Variants in PRKN observed in about 807,000 individuals in gnomAD.
PRKN encodes E3 ubiquitin-protein ligase parkin.
A neutral mutation model predicts 59.5 loss-of-function variants in PRKN; 56 were observed. The observed-to-expected ratio is 0.94, with a 90% CI of 0.76 to 1.18. PRKN has a LOEUF of 1.18. Among genes scored for constraint, PRKN ranks in the 50% most tolerant of loss-of-function variants. PRKN has a pLI of 0.00. For missense variants in PRKN, 657 were observed against 596.4 expected, an observed-to-expected ratio of 1.10 and a Z score of -1.06; for synonymous variants, 250 against 222.1, an observed-to-expected ratio of 1.13 and a Z score of -1.12.
In PRKN at chr6:162,070,084, T is replaced by C. The variant is rs376059814; in HGVS notation, c.535-15910A>G. On this transcript the variant is annotated intron_variant, in intron 4 of 11. Coordinates refer to ENST00000366898, the MANE Select transcript of PRKN (RefSeq NM_004562.3). ...CAGTGAAAATCTGTTAATGCTGTGT[T>C]CTATAGAGCTCTGAGCCACACATGG... 8.5e-5 allele frequency among the ~76,000 whole-genome samples: 13 copies of C among 152,322 alleles called. No homozygotes were observed. The East Asian group carries it at 1.2e-3, about 14-fold the overall frequency.
chr6:162,360,403 A>G (rs1159600374), intron 2 of PRKN, among the ~76,000 whole-genome samples: 1 of 152,196 alleles, frequency 6.6e-6, no homozygotes, highest in Non-Finnish European at 1.5e-5. Context: ...TCCTTTTAAA[A>G]TAAGTGCTAA....
chr6:162,412,095 T>C (rs1186501475), intron 2 of PRKN, among the ~76,000 whole-genome samples: 1 of 152,114 alleles, frequency 6.6e-6, no homozygotes, highest in African/African-American at 2.4e-5. Context: ...CTTAATTTAC[T>C]TAAAAACAGA....
intron 1 of PRKN, among the ~76,000 whole-genome samples, chr6:162,626,490 ATACTT>A (rs1265265430): frequency 2.0e-5 from 3 of 152,150 alleles, no homozygotes; most frequent in African/African-American, 7.2e-5. Flanking sequence ...AAGAAACAGA[ATACTT>A]TATAATATTT....
At chr6:161,739,858 G>A (rs770468702) in intron 7 of PRKN, among the ~76,000 whole-genome samples, 1 of 151,998 alleles carries the variant, frequency 6.6e-6, no homozygotes, top group Non-Finnish European at 1.5e-5. Context: ...GGGTTCAAGC[G>A]ATTTTCCTAC....
chr6:162,423,725 A>G (rs988088548), intron 2 of PRKN, among the ~76,000 whole-genome samples: 1 of 152,162 alleles, frequency 6.6e-6, no homozygotes, highest in African/African-American at 2.4e-5. Context: ...AAGACGTTAA[A>G]TCAATTCAGC....
intron 7 of PRKN, among the ~76,000 whole-genome samples, chr6:161,770,314 C>T (rs1331710650): frequency 3.3e-5 from 5 of 152,188 alleles, no homozygotes; most frequent in South Asian, 4.2e-4. Context: ...CTTTTCTGAA[C>T]TTGGGGGTGC....
intron 3 of PRKN, among the ~76,000 whole-genome samples, chr6:162,248,940 A>G (rs181533250): frequency 1.3e-5 from 2 of 151,382 alleles, no homozygotes; most frequent in Non-Finnish European, 2.9e-5. Context: ...GTGCAGTGGC[A>G]TGATCTCGGC....
chr6:162,358,284 G>A (rs778248126), intron 2 of PRKN, among the ~76,000 whole-genome samples: 5 of 152,074 alleles, frequency 3.3e-5, no homozygotes, highest in East Asian at 3.9e-4. Context: ...AATATTTTTC[G>A]AAATCTTTAT....
intron 5 of PRKN, among the ~76,000 whole-genome samples, chr6:162,018,642 A>C (rs1328094511): frequency 1.3e-5 from 2 of 152,206 alleles, no homozygotes; most frequent in African/African-American, 2.4e-5. Context: ...TAATGTGCGA[A>C]CTGATCATTT....
chr6:162,550,658 A>ATTT (rs1333375591), intron 1 of PRKN, among the ~76,000 whole-genome samples: 1 of 152,164 alleles, frequency 6.6e-6, no homozygotes, highest in Non-Finnish European at 1.5e-5. Context: ...TCTAGAGTCT[A>ATTT]TTTTATTAAT....
chr6:162,655,269 T>C (rs1778602638), intron 1 of PRKN, among the ~76,000 whole-genome samples: 1 of 152,150 alleles, frequency 6.6e-6, no homozygotes, highest in African/African-American at 2.4e-5. Context: ...AAAATCACAA[T>C]TGGATTAACC....
intron 9 of PRKN, among the ~76,000 whole-genome samples, chr6:161,496,350 A>G (rs1018383042): frequency 6.6e-6 from 1 of 152,242 alleles, no homozygotes; most frequent in Non-Finnish European, 1.5e-5. Flanking sequence ...GGATGTAATT[A>G]GTCAAGGTAA....
chr6:162,446,383 TTA>T (rs1251711342), intron 1 of PRKN, among the ~76,000 whole-genome samples: 1 of 152,210 alleles, frequency 6.6e-6, no homozygotes, highest in Non-Finnish European at 1.5e-5. Context: ...GATCCTAAGT[TTA>T]TGATTTTGCT....
intron 1 of PRKN, among the ~76,000 whole-genome samples, chr6:162,480,325 A>T (rs1400920639): frequency 6.6e-6 from 1 of 152,232 alleles, no homozygotes; most frequent in East Asian, 1.9e-4. Context: ...ACCCTTGCAG[A>T]TGTGGTCTGT....
At chr6:162,144,474 C>T (rs1057403097) in intron 4 of PRKN, among the ~76,000 whole-genome samples, 6 of 152,110 alleles carry the variant, frequency 3.9e-5, no homozygotes, top group East Asian at 3.8e-4. Flanking sequence ...CAGATGAGAT[C>T]GAGGTGGAAG....
At chr6:162,622,893 G>A (rs1202107855) in intron 1 of PRKN, among the ~76,000 whole-genome samples, 2 of 152,058 alleles carry the variant, frequency 1.3e-5, no homozygotes, top group Non-Finnish European at 2.9e-5. Context: ...TTTTTTACAC[G>A]TGAAATGCTT....
rs185654296 is a variant in PRKN, at chr6:162,124,841, G to A, written c.535-70667C>T. ...TAACCTTCGGGACCATCCATGTTTC[G>A]GGTGCTGAGGAGCATGGCAAGTCAG... On this transcript the variant is annotated intron_variant, in intron 4 of 11. Transcript: ENST00000366898. 9.8e-4 allele frequency among the ~76,000 whole-genome samples: 149 copies of A among 152,256 alleles called. 1 individual carries two copies. The highest frequency in any genetic ancestry group is 1.6e-3 in the Non-Finnish European group (107 of 68,018).
At chr6:162,580,765 A>C (rs900002331) in intron 1 of PRKN, among the ~76,000 whole-genome samples, 2 of 152,182 alleles carry the variant, frequency 1.3e-5, no homozygotes, top group African/African-American at 4.8e-5. Context: ...ACAAACAGCA[A>C]GGAGCTGGGC....
chr6:162,714,584 T>G (rs1324845702), intron 1 of PRKN, among the ~76,000 whole-genome samples: 2 of 152,210 alleles, frequency 1.3e-5, no homozygotes, highest in East Asian at 1.9e-4. Flanking sequence ...AGAATTAAAT[T>G]GAAATGATTG....
Sources: allele counts gnomAD v4.1 joint callset (sites outside exome capture counted in the v4.1 genomes callset), GRCh38; gene constraint gnomAD v4.1.1; transcripts MANE v1.5; gene names NCBI Gene and HGNC (gene_info 2026-07-23, HGNC 2026-07-21).